The following THSD7B variants were observed in gnomAD, a reference collection of about 807,000 sequenced individuals.
THSD7B encodes the protein thrombospondin type-1 domain-containing protein 7B.
A neutral mutation model predicts 213.6 loss-of-function variants in THSD7B; 138 were observed. The observed-to-expected ratio is 0.65, with a 90% CI of 0.56 to 0.74. The LOEUF (loss-of-function observed/expected upper bound fraction) is 0.74. THSD7B is among the 30% of genes least tolerant of loss of function. THSD7B has a pLI of 0.00. For synonymous variants in THSD7B, 742 were observed against 687.0 expected (o/e 1.08, Z -1.25); for missense variants, 1,931 against 1,991.5 (o/e 0.97, Z 0.58).
At chr2:137,261,623 A>G (rs1412400424) in intron 10 of THSD7B, among the ~76,000 whole-genome samples, 1 of 152,182 alleles carries the variant, frequency 6.6e-6, no homozygotes, top group East Asian at 1.9e-4. Flanking sequence ...CCATGTTGAC[A>G]CTGCAGAAGT....
rs1163886485 is a variant in THSD7B at position 137,426,676 on chromosome 2, G to A, written c.2959+14804G>A. ...CTCAAAATAGTTTAAAGATTTGAAT[G>A]TAAGACTTGAAGCAATAAAACTACT... On this transcript the variant is annotated intron_variant, in intron 14 of 27. Coordinates refer to ENST00000409968, the MANE Select transcript of THSD7B (RefSeq NM_001316349.2). Among the ~76,000 whole-genome samples the A allele has an allele frequency of 5.3e-5, 8 of 152,262 alleles. No homozygotes were observed. In the East Asian group the frequency reaches 7.7e-4, roughly 15 times the overall value.
intron 17 of THSD7B, among the ~76,000 whole-genome samples, chr2:137,612,850 C>T (rs535027565): frequency 1.3e-5 from 2 of 152,100 alleles, no homozygotes; most frequent in Admixed American, 6.6e-5. Flanking sequence ...TTGATTAGGA[C>T]ACAGATGCAG....
intron 2 of THSD7B, among the ~76,000 whole-genome samples, chr2:137,047,012 C>G (rs1573787724): frequency 6.6e-6 from 1 of 152,174 alleles, no homozygotes; most frequent in African/African-American, 2.4e-5. Context: ...AGATGACATG[C>G]TGCACCCAAA....
chr2:137,422,653 A>T (rs1349810622), intron 14 of THSD7B, among the ~76,000 whole-genome samples: 1 of 152,220 alleles, frequency 6.6e-6, no homozygotes, highest in East Asian at 1.9e-4. Flanking sequence ...CATATGCTCT[A>T]AACATATTCA....
chr2:136,823,499 G>A (rs1205256902), intron 1 of THSD7B, among the ~76,000 whole-genome samples: 1 of 152,114 alleles, frequency 6.6e-6, no homozygotes, highest in East Asian at 1.9e-4. Context: ...GCTTCGTCAG[G>A]TATTTCTGTG....
intron 7 of THSD7B, among the ~76,000 whole-genome samples, chr2:137,204,944 C>T (rs901088109): frequency 6.6e-6 from 1 of 152,000 alleles, no homozygotes; most frequent in African/African-American, 2.4e-5. Context: ...ACAAAATCTT[C>T]GTCATCAGGG....
intron 7 of THSD7B, among the ~76,000 whole-genome samples, chr2:137,218,193 T>C (rs139102260): frequency 6.6e-6 from 1 of 152,240 alleles, no homozygotes; most frequent in Non-Finnish European, 1.5e-5. Flanking sequence ...TTTTTTATTT[T>C]AATGCAGAGG....
At chr2:137,588,828 C>T (rs1337816090) in intron 17 of THSD7B, among the ~76,000 whole-genome samples, 5 of 151,538 alleles carry the variant, frequency 3.3e-5, no homozygotes, top group Non-Finnish European at 7.4e-5. Context: ...TCTTGTTGCT[C>T]AGGCTGGAGT....
At chr2:136,890,336 T>C (rs189203079) in intron 2 of THSD7B, among the ~76,000 whole-genome samples, 2,664 of 8,156 alleles carry the variant, frequency 0.33, 78 homozygotes, top group Middle Eastern at 0.5. Context: ...TTCTTCTTCT[T>C]CTTCTTCTTC....
intron 9 of THSD7B, among the ~76,000 whole-genome samples, chr2:137,236,697 A>G (rs994021176): frequency 2.0e-5 from 3 of 152,232 alleles, no homozygotes; most frequent in Non-Finnish European, 4.4e-5. Context: ...AGGTTTCCCC[A>G]TCTAGCTGAG....
At chr2:136,982,842 A>G (rs568045825) in intron 2 of THSD7B, among the ~76,000 whole-genome samples, 1 of 152,272 alleles carries the variant, frequency 6.6e-6, no homozygotes, top group African/African-American at 2.4e-5. Context: ...AATTTTATAA[A>G]CAGAATTGTT....
chr2:137,362,459 A>T (rs1558770354), intron 12 of THSD7B, among the ~76,000 whole-genome samples: 1 of 152,120 alleles, frequency 6.6e-6, no homozygotes, highest in Non-Finnish European at 1.5e-5. Context: ...AAGAGTCAAG[A>T]CCCATCAGTG....
intron 7 of THSD7B, among the ~76,000 whole-genome samples, chr2:137,221,312 A>ACAAAAG (rs1681366102): frequency 6.6e-6 from 1 of 152,012 alleles, no homozygotes; most frequent in African/African-American, 2.4e-5. Flanking sequence ...AAAAACAAAA[A>ACAAAAG]CAAAAAGTTA....
chr2:137,302,555 G>A (rs1683631741), intron 12 of THSD7B, among the ~76,000 whole-genome samples: 1 of 152,118 alleles, frequency 6.6e-6, no homozygotes, highest in Non-Finnish European at 1.5e-5. Context: ...GATAGTAATT[G>A]GGAGTAATGA....
At chr2:137,314,522 C>G (rs1409772040) in intron 12 of THSD7B, among the ~76,000 whole-genome samples, 2 of 152,226 alleles carry the variant, frequency 1.3e-5, no homozygotes, top group Admixed American at 6.5e-5. Flanking sequence ...AAGTCATTCT[C>G]CATCCAGCTT....
chr2:137,246,431 A>G (rs2105069045), intron 10 of THSD7B, among the ~76,000 whole-genome samples: 1 of 152,156 alleles, frequency 6.6e-6, no homozygotes, highest in Middle Eastern at 3.4e-3. Context: ...TTCATTCTAA[A>G]CCTCTCAGAA....
chr2:137,424,685 C>T (rs960521124), intron 14 of THSD7B, among the ~76,000 whole-genome samples: 1 of 152,152 alleles, frequency 6.6e-6, no homozygotes, highest in African/African-American at 2.4e-5. Context: ...CAACATCCTT[C>T]ATAATAAAAA....
At chr2:137,530,336 C>A (rs77009865) in intron 15 of THSD7B, among the ~76,000 whole-genome samples, 11,113 of 151,954 alleles carry the variant, frequency 0.073, 456 homozygotes, top group African/African-American at 0.09. Context: ...TTCATGGGGT[C>A]TTGCATGACA....
At chr2:137,557,108 C>G (rs1355437845) in intron 15 of THSD7B, among the ~76,000 whole-genome samples, 1 of 152,070 alleles carries the variant, frequency 6.6e-6, no homozygotes, top group African/African-American at 2.4e-5. Context: ...CTTTAACACC[C>G]CACTGTCAAC....
Sources: allele counts gnomAD v4.1 joint callset (sites outside exome capture counted in the v4.1 genomes callset), GRCh38; gene constraint gnomAD v4.1.1; transcripts MANE v1.5; gene names NCBI Gene and HGNC (gene_info 2026-07-23, HGNC 2026-07-21).